PDE1A: variants seen among roughly 807,000 people sequenced by gnomAD.
The protein encoded by PDE1A is phosphodiesterase 1A.
Under a neutral mutation model 61.7 loss-of-function variants are expected in PDE1A, and 35 were observed. The observed-to-expected ratio is 0.57, with a 90% CI of 0.43 to 0.75. The LOEUF is 0.75. Among genes scored for constraint, PDE1A ranks in the 30% least tolerant of loss-of-function variants. PDE1A has a pLI of 0.00. For synonymous variants in PDE1A, 232 were observed against 213.2 expected, an observed-to-expected ratio of 1.09 and a Z score of -0.77; for missense variants, 597 against 630.6, an observed-to-expected ratio of 0.95 and a Z score of 0.57.
rs1481629 is a variant in PDE1A at position 182,248,554 on chromosome 2, A to G, written c.168-8262T>C. 4.1e-3 allele frequency among the ~76,000 whole-genome samples: 624 copies of G among 152,136 alleles called. 7 individuals are homozygous for G. Among genetic ancestry groups the G allele is most frequent in the African/African-American group, 0.015 (606 of 41,388 alleles). On this transcript the variant is annotated intron_variant, in intron 2 of 13. Transcript: ENST00000351439. ...TAATTTTCTCTTGAAATCAGATGAC[A>G]TAACTCCCAAAGGGCTTATATTTTG...
chr2:182,268,465 A>G (rs1310842397), intron 1 of PDE1A, among the ~76,000 whole-genome samples: 1 of 152,092 alleles, frequency 6.6e-6, no homozygotes, highest in Non-Finnish European at 1.5e-5. Context: ...ATATACATAT[A>G]TACATATATA....
intron 10 of PDE1A, among the ~76,000 whole-genome samples, chr2:182,193,855 C>T (rs990681309): frequency 3.9e-5 from 6 of 152,112 alleles, no homozygotes; most frequent in Admixed American, 3.9e-4. Flanking sequence ...TGGCTCATAG[C>T]TACAGTTCTT....
chr2:182,560,209 T>C, the PDE1A span, among the ~76,000 whole-genome samples: 55 of 130,418 alleles, frequency 4.2e-4, 2 homozygotes, highest in Middle Eastern at 0.011. Context: ...GCTATCCCTC[T>C]CCCCTCCCCC....
At chr2:182,157,696 A>T (rs1380693952) in intron 13 of PDE1A, among the ~76,000 whole-genome samples, 2 of 152,216 alleles carry the variant, frequency 1.3e-5, no homozygotes, top group Admixed American at 1.3e-4. Context: ...CAGAAGAACA[A>T]GTCATCAAAT....
At chr2:182,230,923 T>A in intron 5 of PDE1A, 92 bp downstream of exon 5, 1 of 699,374 alleles carries the variant, frequency 1.4e-6, no homozygotes, top group South Asian at 1.8e-5. Flanking sequence ...CATCCTAAAA[T>A]GAATTGCTTA....
the PDE1A span, among the ~76,000 whole-genome samples, chr2:182,532,820 C>T: frequency 1.3e-5 from 2 of 151,266 alleles, no homozygotes; most frequent in Non-Finnish European, 2.9e-5. Context: ...CGGTGGTGGG[C>T]GCCTGTAGTC....
At chr2:182,463,908 T>C (rs1026758731) in intron 2 of PDE1A, among the ~76,000 whole-genome samples, 3 of 152,134 alleles carry the variant, frequency 2.0e-5, no homozygotes, top group Admixed American at 6.6e-5. Flanking sequence ...TAGGAGCCCA[T>C]GGTAACAGAA....
chr2:182,647,635 G>A, the PDE1A span, among the ~76,000 whole-genome samples: 1 of 152,170 alleles, frequency 6.6e-6, no homozygotes, highest in Non-Finnish European at 1.5e-5. Flanking sequence ...TTTCTGAGCA[G>A]ATAAGACTTA....
intron 2 of PDE1A, among the ~76,000 whole-genome samples, chr2:182,501,703 T>C (rs1268553573): frequency 6.6e-6 from 1 of 152,200 alleles, no homozygotes; most frequent in Non-Finnish European, 1.5e-5. Flanking sequence ...AGCAATTCAT[T>C]ACCGTCTTCT....
chr2:182,294,243 C>A (rs936127262), intron 1 of PDE1A, among the ~76,000 whole-genome samples: 1 of 152,078 alleles, frequency 6.6e-6, no homozygotes, highest in Non-Finnish European at 1.5e-5. Context: ...AGCTATTGTA[C>A]AACATAAGTA....
the PDE1A span, among the ~76,000 whole-genome samples, chr2:182,667,604 T>G: frequency 6.6e-6 from 1 of 152,222 alleles, no homozygotes; most frequent in Non-Finnish European, 1.5e-5. Context: ...CTGTTCGAAG[T>G]CTTTGGAGTC....
the PDE1A span, among the ~76,000 whole-genome samples, chr2:182,541,773 G>A: frequency 1.3e-5 from 2 of 152,146 alleles, no homozygotes; most frequent in Admixed American, 1.3e-4. Context: ...TGCTCTGAAC[G>A]TAGAAAATTT....
intron 1 of PDE1A, among the ~76,000 whole-genome samples, chr2:182,412,996 T>A (rs545360051): frequency 1.3e-5 from 2 of 152,142 alleles, no homozygotes; most frequent in Non-Finnish European, 2.9e-5. Context: ...ACTTGAAGCA[T>A]GGACGAGGAC....
chr2:182,306,539 G>A (rs1339124857), intron 1 of PDE1A, among the ~76,000 whole-genome samples: 2 of 151,730 alleles, frequency 1.3e-5, no homozygotes, highest in Non-Finnish European at 2.9e-5. Flanking sequence ...CAAATCTGAA[G>A]ACACCATACT....
At chr2:182,360,100 G>C (rs367730032) in intron 1 of PDE1A, among the ~76,000 whole-genome samples, 1 of 151,726 alleles carries the variant, frequency 6.6e-6, no homozygotes. Context: ...TTTTCTTTCC[G>C]GATTACACCA....
intron 13 of PDE1A, among the ~76,000 whole-genome samples, chr2:182,169,957 C>T (rs1692032412): frequency 7.6e-6 from 1 of 131,038 alleles, no homozygotes; most frequent in Non-Finnish European, 1.6e-5. Flanking sequence ...CTCTCTCTTT[C>T]TCTTTCATAC....
chr2:182,628,622 A>T, the PDE1A span, among the ~76,000 whole-genome samples: 1 of 152,164 alleles, frequency 6.6e-6, no homozygotes, highest in Non-Finnish European at 1.5e-5. Flanking sequence ...AGAAATACGT[A>T]TTACTAATGG....
the PDE1A span, among the ~76,000 whole-genome samples, chr2:182,572,632 C>T: frequency 6.6e-6 from 1 of 151,924 alleles, no homozygotes; most frequent in Non-Finnish European, 1.5e-5. Flanking sequence ...CGAGTAATTC[C>T]AGCTGAGGCG....
chr2:182,386,520 G>A (rs953706836), intron 1 of PDE1A, among the ~76,000 whole-genome samples: 25 of 147,620 alleles, frequency 1.7e-4, no homozygotes, highest in South Asian at 1.5e-3. Flanking sequence ...GGTGAGGAAC[G>A]TCTCTGCCCG....
Sources: gnomAD v4.1 joint callset for allele counts (sites outside exome capture counted in the v4.1 genomes callset) on GRCh38, gnomAD v4.1.1 for gene constraint, MANE v1.5 for transcripts, NCBI Gene and HGNC (gene_info 2026-07-23, HGNC 2026-07-21) for gene names.